Variants in DNM3 observed in about 807,000 individuals in gnomAD.
DNM3 encodes the protein dynamin 3, also known as dynamin-3.
A neutral mutation model predicts 101.6 loss-of-function variants in DNM3; 47 were observed. That is an observed-to-expected ratio of 0.46 (90% CI 0.37 to 0.59). The LOEUF (loss-of-function observed/expected upper bound fraction) is 0.59. DNM3 is among the 20% of genes least tolerant of loss of function. DNM3 has a pLI of 0.00. For synonymous variants in DNM3, 385 were observed against 387.9 expected (o/e 0.99, Z 0.09); for missense variants, 849 against 1,085.7 (o/e 0.78, Z 3.06).
At chr1:171,883,566 G>T (rs2036512058) in intron 1 of DNM3, among the ~76,000 whole-genome samples, 1 of 151,846 alleles carries the variant, frequency 6.6e-6, no homozygotes, top group Non-Finnish European at 1.5e-5. Context: ...CCGCCTCCCG[G>T]GTTCAAGTGA....
intron 13 of DNM3, among the ~76,000 whole-genome samples, chr1:172,120,671 GCTGAATAC>G (rs2056248994): frequency 6.6e-6 from 1 of 152,180 alleles, no homozygotes; most frequent in South Asian, 2.1e-4. Context: ...CAGCTCAAGT[GCTGAATAC>G]TATAAGTATG....
chr1:172,172,199 A>G (rs998162710), intron 14 of DNM3, among the ~76,000 whole-genome samples: 2 of 151,624 alleles, frequency 1.3e-5, no homozygotes, highest in Non-Finnish European at 3.0e-5. Flanking sequence ...AGGAAGCCCA[A>G]GTTCTTCATA....
At position 172,409,811 on chromosome 1, in the gene DNM3, T is replaced by C. The variant is rs909716697; in HGVS notation, c.*1970T>C. ...ATAGGCAGCTAACGGATTATATACTTCAGGGTTTGGCTTTGTGCTAAATGT... is the reference window on the plus strand; with the variant it reads ...ATAGGCAGCTAACGGATTATATACTCCAGGGTTTGGCTTTGTGCTAAATGT... On this transcript the variant is annotated 3_prime_UTR_variant, in exon 21 of 21. Coordinates refer to ENST00000627582, the MANE Select transcript of DNM3 (RefSeq NM_015569.5). The C allele has an allele frequency of 1.7e-5, 17 of 985,758 alleles. No individual in the cohort carries two copies. The South Asian group carries it at 7.5e-4, about 44-fold the overall frequency. The allele number at this position is 985,758 out of a possible 1,614,324, so 61.1% of individuals were successfully genotyped here.
intron 16 of DNM3, among the ~76,000 whole-genome samples, chr1:172,314,028 C>A (rs991553926): frequency 1.4e-5 from 2 of 147,236 alleles, no homozygotes; most frequent in African/African-American, 5.0e-5. Flanking sequence ...ATTAGTTCAA[C>A]CATTGTGGAA....
chr1:172,215,290 C>T (rs2060652627), intron 14 of DNM3, among the ~76,000 whole-genome samples: 1 of 152,076 alleles, frequency 6.6e-6, no homozygotes, highest in South Asian at 2.1e-4. Context: ...TCCAGAAATG[C>T]TGCCATTTGG....
chr1:172,281,893 C>G (rs1484782073), intron 15 of DNM3, among the ~76,000 whole-genome samples: 1 of 151,688 alleles, frequency 6.6e-6, no homozygotes, highest in Non-Finnish European at 1.5e-5. Flanking sequence ...ATCACAGTAC[C>G]CCATAAATAT....
chr1:171,953,985 A>G (rs2042695122), intron 2 of DNM3, among the ~76,000 whole-genome samples: 1 of 152,180 alleles, frequency 6.6e-6, no homozygotes, highest in South Asian at 2.1e-4. Flanking sequence ...CTGTTAAAGC[A>G]TGACATCCAA....
intron 17 of DNM3, among the ~76,000 whole-genome samples, chr1:172,337,705 T>C (rs1312474968): frequency 6.6e-6 from 1 of 152,048 alleles, no homozygotes; most frequent in African/African-American, 2.4e-5. Flanking sequence ...GAGTGTCCAC[T>C]AGCTCAAGTT....
intron 2 of DNM3, among the ~76,000 whole-genome samples, chr1:171,943,639 C>A (rs2041964710): frequency 6.6e-6 from 1 of 152,086 alleles, no homozygotes; most frequent in Admixed American, 6.5e-5. Flanking sequence ...CCCCTGCTTC[C>A]AATTGTCTCA....
downstream of DNM3, among the ~76,000 whole-genome samples, chr1:172,416,030 C>T (rs1354535545): frequency 1.3e-5 from 2 of 152,126 alleles, no homozygotes; most frequent in Non-Finnish European, 2.9e-5. Flanking sequence ...TTTCCAATCT[C>T]CTTTACCTGA....
chr1:172,329,091 G>T (rs2066069519), intron 17 of DNM3, among the ~76,000 whole-genome samples: 1 of 152,006 alleles, frequency 6.6e-6, no homozygotes, highest in African/African-American at 2.4e-5. Flanking sequence ...TGTTAATGTG[G>T]TTATGGTACT....
chr1:171,885,237 G>C (rs549633525), intron 1 of DNM3, among the ~76,000 whole-genome samples: 20 of 152,206 alleles, frequency 1.3e-4, no homozygotes, highest in Admixed American at 1.2e-3. Flanking sequence ...TCGGGAGATT[G>C]TTTTACGGAA....
intron 1 of DNM3, among the ~76,000 whole-genome samples, chr1:171,919,404 G>A (rs1039902333): frequency 6.6e-6 from 1 of 152,090 alleles, no homozygotes; most frequent in Non-Finnish European, 1.5e-5. Context: ...AGAACATGCG[G>A]TGTTTGGTTT....
At chr1:171,903,090 C>G (rs6425474) in intron 1 of DNM3, among the ~76,000 whole-genome samples, 89,252 of 151,710 alleles carry the variant, frequency 0.59, 26,393 homozygotes, top group East Asian at 0.68. Flanking sequence ...AGGAGGTCAA[C>G]GCTGAGGTAA....
chr1:172,126,972 G>A (rs2056660375), intron 13 of DNM3, among the ~76,000 whole-genome samples: 1 of 152,030 alleles, frequency 6.6e-6, no homozygotes, highest in Admixed American at 6.6e-5. Context: ...AGTGCTGCTG[G>A]AAAAGAGAAC....
intron 1 of DNM3, among the ~76,000 whole-genome samples, chr1:171,882,564 T>C (rs1189751293): frequency 6.6e-6 from 1 of 152,036 alleles, no homozygotes; most frequent in African/African-American, 2.4e-5. Flanking sequence ...TATAACCACA[T>C]AGATATACAG....
chr1:171,973,402 CT>C lies in DNM3; in HGVS notation c.236-14245del, dbSNP rs757098066. The stretch of plus-strand genomic sequence containing the variant: ...TTAATTGTTACATATTTACTCAATT[CT>C]TTTTTTTTAATTAAGGGTTTACTAT... On this transcript the variant is annotated intron_variant, in intron 2 of 20. Coordinates refer to ENST00000627582, the MANE Select transcript of DNM3 (RefSeq NM_015569.5). Among the ~76,000 whole-genome samples the C allele has an allele frequency of 6.2e-4, 94 of 151,460 alleles. 1 individual carries two copies. In the East Asian group the frequency reaches 0.011, roughly 17 times the overall value.
rs77814534 is a variant in DNM3 at position 172,321,250 on chromosome 1, A to G, written c.1882-2079A>G. 3.9e-3 allele frequency among the ~76,000 whole-genome samples: 593 copies of G among 152,298 alleles called. 2 individuals carry two copies. Among genetic ancestry groups the G allele is most frequent in the African/African-American group, 0.013 (523 of 41,576 alleles). ...AAGAGGAATAGCCACAGACCTGCAT[A>G]CATATTTATTAAAGTGCTGATGACC... On this transcript the variant is annotated intron_variant, in intron 16 of 20. Coordinates refer to ENST00000627582, the MANE Select transcript of DNM3 (RefSeq NM_015569.5).
chr1:172,020,982 T>C (rs1311054265), intron 4 of DNM3, among the ~76,000 whole-genome samples: 3 of 152,214 alleles, frequency 2.0e-5, no homozygotes, highest in Non-Finnish European at 4.4e-5. Context: ...GTCTGCTCTG[T>C]TGAGTTGTGA....
Sources: allele counts gnomAD v4.1 joint callset (sites outside exome capture counted in the v4.1 genomes callset), GRCh38; gene constraint gnomAD v4.1.1; transcripts MANE v1.5; gene names NCBI Gene and HGNC (gene_info 2026-07-23, HGNC 2026-07-21).